Variants in ITGA9 observed in about 807,000 individuals in gnomAD.
The protein encoded by ITGA9 is integrin alpha-9.
Under a neutral mutation model 127.8 loss-of-function variants are expected in ITGA9, and 56 were observed. That is an observed-to-expected ratio of 0.44 (90% CI 0.35 to 0.55). ITGA9 has a LOEUF of 0.55. Among genes scored for constraint, ITGA9 ranks in the 20% least tolerant of loss-of-function variants. The pLI is 0.00. For synonymous variants in ITGA9, 508 were observed against 514.5 expected (o/e 0.99, Z 0.17); for missense variants, 1,196 against 1,347.1 (o/e 0.89, Z 1.76).
chr3:37,719,188 C>T (rs1257861289), intron 18 of ITGA9, among the ~76,000 whole-genome samples: 2 of 152,116 alleles, frequency 1.3e-5, no homozygotes, highest in African/African-American at 4.8e-5. Flanking sequence ...TGGAGCTGAC[C>T]TGTTGAAGCA....
chr3:37,702,193 C>T (rs903793381), intron 18 of ITGA9, among the ~76,000 whole-genome samples: 1 of 152,134 alleles, frequency 6.6e-6, no homozygotes, highest in Non-Finnish European at 1.5e-5. Flanking sequence ...CTACTATAGC[C>T]TCACAATGAG....
intron 16 of ITGA9, among the ~76,000 whole-genome samples, chr3:37,640,333 C>G (rs1700320338): frequency 6.6e-6 from 1 of 152,078 alleles, no homozygotes; most frequent in Non-Finnish European, 1.5e-5. Context: ...TGAAGCATGC[C>G]TTTGCTGATG....
At chr3:37,666,568 C>G (rs1256103578) in intron 17 of ITGA9, among the ~76,000 whole-genome samples, 1 of 152,192 alleles carries the variant, frequency 6.6e-6, no homozygotes, top group Non-Finnish European at 1.5e-5. Flanking sequence ...CATGGTCTCT[C>G]CTCCTCCAGC....
chr3:37,453,458 A>G (rs1031329067), intron 1 of ITGA9, among the ~76,000 whole-genome samples: 1 of 152,124 alleles, frequency 6.6e-6, no homozygotes, highest in African/African-American at 2.4e-5. Flanking sequence ...GAGAAGCACT[A>G]AGGGGGGGTT....
intron 23 of ITGA9, among the ~76,000 whole-genome samples, chr3:37,773,213 C>T (rs114504412): frequency 0.02 from 3,019 of 152,316 alleles, 93 homozygotes; most frequent in African/African-American, 0.068. Context: ...TCTGCTCCCA[C>T]GCCTGATTTT....
intron 25 of ITGA9, among the ~76,000 whole-genome samples, chr3:37,783,693 C>G (rs1354023126): frequency 1.3e-5 from 2 of 152,004 alleles, no homozygotes; most frequent in Non-Finnish European, 1.5e-5. Flanking sequence ...TACATAAAAC[C>G]CCAACTTTAT....
intron 15 of ITGA9, chr3:37,585,637 TGAA>T (rs1559542607): frequency 1.9e-6 from 1 of 516,490 alleles, no homozygotes; most frequent in Non-Finnish European, 3.9e-6. Context: ...GAAGGGAACA[TGAA>T]GAATGTTTGT....
chr3:37,738,104 TC>T (rs1696386930), intron 20 of ITGA9, among the ~76,000 whole-genome samples: 1 of 152,250 alleles, frequency 6.6e-6, no homozygotes, highest in Non-Finnish European at 1.5e-5. Flanking sequence ...TTTAGCCGCT[TC>T]TTTTTACTGG....
At chr3:37,532,338 G>A (rs1031863379) in intron 13 of ITGA9, among the ~76,000 whole-genome samples, 5 of 152,214 alleles carry the variant, frequency 3.3e-5, no homozygotes, top group Non-Finnish European at 5.9e-5. Flanking sequence ...TTCCATTGGA[G>A]TTGGTGTGGG....
intron 16 of ITGA9, among the ~76,000 whole-genome samples, chr3:37,652,447 T>G (rs2070483): frequency 0.59 from 89,129 of 152,128 alleles, 26,890 homozygotes; most frequent in African/African-American, 0.73. Flanking sequence ...TCCTCTTTTT[T>G]CCCAAGACTT....
At chr3:37,596,123 GC>G (rs1173014407) in intron 15 of ITGA9, among the ~76,000 whole-genome samples, 3 of 152,142 alleles carry the variant, frequency 2.0e-5, no homozygotes, top group Non-Finnish European at 4.4e-5. Context: ...TGTGATACCT[GC>G]CATAAAGAAA....
intron 15 of ITGA9, among the ~76,000 whole-genome samples, chr3:37,562,040 C>T (rs1261869223): frequency 1.3e-5 from 2 of 152,218 alleles, no homozygotes; most frequent in African/African-American, 4.8e-5. Flanking sequence ...AGCTCTTCTG[C>T]TTACAGCTGT....
At chr3:37,711,959 G>C (rs1701084192) in intron 18 of ITGA9, among the ~76,000 whole-genome samples, 1 of 152,182 alleles carries the variant, frequency 6.6e-6, no homozygotes, top group Non-Finnish European at 1.5e-5. Flanking sequence ...ATGAGCCCAA[G>C]TCACCTGTAC....
chr3:37,817,541 G>A (rs1575253006), intron 27 of ITGA9, among the ~76,000 whole-genome samples: 5 of 152,288 alleles, frequency 3.3e-5, no homozygotes, highest in South Asian at 2.1e-4. Context: ...CTGGTAGAAC[G>A]TACACCTCAG....
In ITGA9 at chr3:37,653,755, A is replaced by C. The variant is rs781547551; in HGVS notation, c.1881A>C (p.Ala627=). 1 of 1,613,968 alleles carries C rather than the reference A, an allele frequency of 6.2e-7. No individual in the cohort carries two copies. The highest frequency in any genetic ancestry group is 1.1e-5 in the South Asian group (1 of 91,080). The change falls in exon 17 of 28, where the codon GCA becomes GCC. Residue 627 remains alanine, a synonymous_variant. Coordinates refer to ENST00000264741, the MANE Select transcript of ITGA9 (RefSeq NM_002207.3). The part of the protein sequence containing the change: ...ERNCRSEDCA[A]DLQLQGKLLL... ...ATTGCCGTTCAGAGGACTGTGCCGCAGACCTGCAGCTTCAGGGTAAACTGC... is the reference window on the plus strand; with the variant it reads ...ATTGCCGTTCAGAGGACTGTGCCGCCGACCTGCAGCTTCAGGGTAAACTGC...
intron 1 of ITGA9, among the ~76,000 whole-genome samples, chr3:37,469,594 C>T (rs981723573): frequency 1.4e-4 from 22 of 152,164 alleles, no homozygotes; most frequent in Non-Finnish European, 2.8e-4. Context: ...CTGCTTTCTC[C>T]TCTCCAGAGG....
At chr3:37,560,587 A>G (rs1057447461) in intron 15 of ITGA9, among the ~76,000 whole-genome samples, 7 of 152,096 alleles carry the variant, frequency 4.6e-5, no homozygotes, top group Non-Finnish European at 8.8e-5. Flanking sequence ...AAGTGTTCCT[A>G]TTTCTCCACA....
At chr3:37,714,121 G>T (rs1296016726) in intron 18 of ITGA9, among the ~76,000 whole-genome samples, 1 of 152,216 alleles carries the variant, frequency 6.6e-6, no homozygotes, top group Non-Finnish European at 1.5e-5. Flanking sequence ...TGGAATCCCA[G>T]TTTCAGCCAC....
intron 18 of ITGA9, among the ~76,000 whole-genome samples, chr3:37,722,306 G>A (rs749901537): frequency 4.6e-5 from 7 of 152,168 alleles, no homozygotes; most frequent in Non-Finnish European, 8.8e-5. Flanking sequence ...AAACAGATTC[G>A]TTGAGATATA....
Sources: gnomAD v4.1 joint callset for allele counts (sites outside exome capture counted in the v4.1 genomes callset) on GRCh38, gnomAD v4.1.1 for gene constraint, MANE v1.5 for transcripts, NCBI Gene and HGNC (gene_info 2026-07-23, HGNC 2026-07-21) for gene names.